The following FRAS1 variants were observed in gnomAD, a reference collection of about 807,000 sequenced individuals.
FRAS1 encodes the protein Fraser extracellular matrix complex subunit 1, also known as extracellular matrix organizing protein FRAS1.
FRAS1 carries 290 observed loss-of-function variants against 435.2 expected under a neutral mutation model. The ratio of observed to expected loss-of-function variants is 0.67; its 90% CI spans 0.61 to 0.73. FRAS1 has a LOEUF of 0.73. FRAS1 is among the 30% of genes least tolerant of loss of function. FRAS1 has a pLI of 0.00. For synonymous variants in FRAS1, 1,800 were observed against 1,851.0 expected, an observed-to-expected ratio of 0.97 and a Z score of 0.71; for missense variants, 4,860 against 5,001.5, an observed-to-expected ratio of 0.97 and a Z score of 0.85.
At chr4:78,218,134 A>ACACACACACACACACAC (rs1471926143) in intron 2 of FRAS1, among the ~76,000 whole-genome samples, 1 of 126,746 alleles carries the variant, frequency 7.9e-6, no homozygotes, top group African/African-American at 3.1e-5. Context: ...ACACACACAC[A>ACACACACACACACACAC]AGTTGTATTT....
intron 38 of FRAS1, among the ~76,000 whole-genome samples, chr4:78,438,023 T>C (rs1052709145): frequency 6.6e-6 from 1 of 151,680 alleles, no homozygotes; most frequent in African/African-American, 2.4e-5. Context: ...TACATTCTTT[T>C]GTTAATCTAA....
At chr4:78,273,708 T>C (rs867945162) in intron 9 of FRAS1, among the ~76,000 whole-genome samples, 5 of 152,300 alleles carry the variant, frequency 3.3e-5, no homozygotes, top group South Asian at 2.1e-4. Flanking sequence ...CTGCTGGATT[T>C]GGTTTGCCAG....
In FRAS1 at chr4:78,432,470, A is replaced by T. The variant is rs773119290; in HGVS notation, c.5083A>T (p.Thr1695Ser). 6.2e-7 allele frequency: 1 copy of T among 1,613,412 alleles called. No individual in the cohort carries two copies. ...EISVTDGLTV[T>S]MLEVRVEVSL... ...CTCAGTCACAGATGGCCTCACAGTG[A>T]CAATGCTGGAGGTGAGAGTAGAGGT... The change falls in exon 38 of 74, where the codon ACA becomes TCA. Residue 1695 changes from threonine (T) to serine (S), a missense_variant. Thr to Ser is a moderately conservative substitution (Grantham distance 58). Coordinates refer to ENST00000512123, the MANE Select transcript of FRAS1 (RefSeq NM_025074.7).
intron 2 of FRAS1, among the ~76,000 whole-genome samples, chr4:78,165,572 A>G (rs1192684940): frequency 6.6e-6 from 1 of 152,180 alleles, no homozygotes; most frequent in Non-Finnish European, 1.5e-5. Flanking sequence ...ACCCCCAAAC[A>G]TCAGTATCTA....
intron 29 of FRAS1, among the ~76,000 whole-genome samples, chr4:78,396,360 T>C (rs1174237422): frequency 6.6e-6 from 1 of 152,238 alleles, no homozygotes; most frequent in Non-Finnish European, 1.5e-5. Context: ...ATGTTGCTAA[T>C]TAATGTCCTT....
chr4:78,391,563 T>A (rs952380767), intron 29 of FRAS1, among the ~76,000 whole-genome samples: 2 of 152,202 alleles, frequency 1.3e-5, no homozygotes, highest in African/African-American at 4.8e-5. Flanking sequence ...ATTGTCTTCT[T>A]TTTCATTAAT....
At chr4:78,087,011 A>T (rs62307982) in intron 2 of FRAS1, among the ~76,000 whole-genome samples, 1 of 152,142 alleles carries the variant, frequency 6.6e-6, no homozygotes. Flanking sequence ...TGAACATCGA[A>T]GCAAAAATCC....
At chr4:78,478,439 T>A (rs188090336) in intron 55 of FRAS1, among the ~76,000 whole-genome samples, 20 of 152,362 alleles carry the variant, frequency 1.3e-4, no homozygotes, top group Non-Finnish European at 2.5e-4. Flanking sequence ...CATCTTATTC[T>A]TGGAAGACAG....
intron 14 of FRAS1, among the ~76,000 whole-genome samples, chr4:78,293,096 C>T (rs1727973655): frequency 6.6e-6 from 1 of 152,166 alleles, no homozygotes; most frequent in African/African-American, 2.4e-5. Flanking sequence ...AGAAAACTTC[C>T]CTCTAGTTAA....
chr4:78,248,556 A>T (rs1463878746), intron 4 of FRAS1, among the ~76,000 whole-genome samples: 1 of 152,174 alleles, frequency 6.6e-6, no homozygotes, highest in East Asian at 1.9e-4. Flanking sequence ...TTGTGAGGCT[A>T]AAAGGATAAC....
intron 2 of FRAS1, among the ~76,000 whole-genome samples, chr4:78,182,441 C>T (rs931775303): frequency 2.6e-5 from 4 of 152,086 alleles, no homozygotes; most frequent in Non-Finnish European, 5.9e-5. Context: ...AGGGTGGGCT[C>T]CCAGGTTTCC....
intron 20 of FRAS1, among the ~76,000 whole-genome samples, chr4:78,356,306 A>G (rs372499510): frequency 2.6e-5 from 4 of 152,166 alleles, no homozygotes; most frequent in African/African-American, 9.6e-5. Context: ...TGGGCCTTCA[A>G]ATTCTCCATG....
At chr4:78,121,937 C>T (rs1719054827) in intron 2 of FRAS1, among the ~76,000 whole-genome samples, 1 of 152,162 alleles carries the variant, frequency 6.6e-6, no homozygotes, top group African/African-American at 2.4e-5. Context: ...ACAATCAAGA[C>T]TCTAGATCCT....
chr4:78,516,460 A>G (rs1465205031), intron 66 of FRAS1, among the ~76,000 whole-genome samples: 1 of 152,198 alleles, frequency 6.6e-6, no homozygotes, highest in African/African-American at 2.4e-5. Flanking sequence ...GTGGAAAGAT[A>G]ATTGCTTAAA....
chr4:78,466,328 C>T lies in FRAS1; in HGVS notation c.7150C>T (p.Arg2384Trp), dbSNP rs373987655. Residue 2384 changes from arginine to tryptophan, a missense_variant, in exon 50 of 74, where the codon CGG becomes TGG. Coordinates refer to ENST00000512123, the MANE Select transcript of FRAS1 (RefSeq NM_025074.7). The part of the protein sequence containing the change: ...TFTMKDIYQN[R>W]VSYSHDGSNS... ...CACCATGAAAGATATCTACCAGAACCGGGTCAGCTACAGCCATGACGGCAG... is the reference window on the plus strand; with the variant it reads ...CACCATGAAAGATATCTACCAGAACTGGGTCAGCTACAGCCATGACGGCAG... The T allele has an allele frequency of 3.0e-5, 49 of 1,613,846 alleles. No individual in the cohort carries two copies. The highest frequency in any genetic ancestry group is 3.3e-4 in the Middle Eastern group (2 of 6,062).
chr4:78,129,509 A>G (rs1719572475), intron 2 of FRAS1, among the ~76,000 whole-genome samples: 1 of 137,812 alleles, frequency 7.3e-6, no homozygotes, highest in Admixed American at 6.9e-5. Context: ...GTGAAATTGA[A>G]TTAGAGAACT....
rs886287684 is a variant in FRAS1 at position 78,105,173 on chromosome 4, G to T, written c.108+39157G>T. 3.3e-5 allele frequency among the ~76,000 whole-genome samples: 5 copies of T among 152,200 alleles called. No individual in the cohort carries two copies. The South Asian group carries it at 1.0e-3, about 31-fold the overall frequency. Reference sequence around the variant, plus strand: ...ACCTTTGTTCTGAAGGCAGAATTTAGGCTTGGCTTGGCAGAGTCCTCTGAA... The same window carrying T: ...ACCTTTGTTCTGAAGGCAGAATTTATGCTTGGCTTGGCAGAGTCCTCTGAA... On this transcript the variant is annotated intron_variant, in intron 2 of 73. Transcript: ENST00000512123.
chr4:78,455,422 G>GT (rs1330861969), intron 47 of FRAS1, among the ~76,000 whole-genome samples: 7 of 151,696 alleles, frequency 4.6e-5, no homozygotes, highest in Non-Finnish European at 1.0e-4. Flanking sequence ...AGTTGAGGAG[G>GT]GAGGGGGTTC....
At chr4:78,311,883 C>T (rs762886322) in intron 15 of FRAS1, among the ~76,000 whole-genome samples, 8 of 152,074 alleles carry the variant, frequency 5.3e-5, no homozygotes, top group Non-Finnish European at 8.8e-5. Context: ...TGTGCTTTTC[C>T]CATTGCTCTA....
Sources: gnomAD v4.1 joint callset for allele counts (sites outside exome capture counted in the v4.1 genomes callset) on GRCh38, gnomAD v4.1.1 for gene constraint, MANE v1.5 for transcripts, NCBI Gene and HGNC (gene_info 2026-07-23, HGNC 2026-07-21) for gene names.